The following C10orf105 variants were observed in gnomAD, a reference collection of about 807,000 sequenced individuals.
The protein encoded by C10orf105 is uncharacterized protein C10orf105.
Under a neutral mutation model 0.6 loss-of-function variants are expected in C10orf105, and 2 were observed. The observed-to-expected ratio is 3.18, with a 90% confidence interval of 1.30 to 10.01. The LOEUF (loss-of-function observed/expected upper bound fraction) is 10.01, where lower values mean the gene tolerates loss of function less well. Among genes scored for constraint, C10orf105 ranks in the 30% most tolerant of loss-of-function variants. C10orf105 has a pLI of 0.04. For missense variants in C10orf105, 209 were observed against 191.4 expected, an observed-to-expected ratio of 1.09 and a Z score of -0.54; for synonymous variants, 95 against 82.4, an observed-to-expected ratio of 1.15 and a Z score of -0.83.
At chr10:71,731,446 A>C (rs1193501891) in intron 1 of C10orf105, among the ~76,000 whole-genome samples, 2 of 152,142 alleles carry the variant, frequency 1.3e-5, no homozygotes, top group Non-Finnish European at 2.9e-5. Context: ...TGGCCCCTTG[A>C]GGTCTGTGAA....
intron 1 of C10orf105, chr10:71,734,610 T>C: frequency 6.4e-7 from 1 of 1,572,486 alleles, no homozygotes; most frequent in South Asian, 1.1e-5. Context: ...CATTTGCATC[T>C]TTGCCTTTTC....
At chr10:71,732,778 C>T in intron 1 of C10orf105, 1 of 953,644 alleles carries the variant, frequency 1.0e-6, no homozygotes, top group Non-Finnish European at 1.3e-6. Context: ...ACAGATCCTT[C>T]ACCTCTGGTC....
At chr10:71,716,387 C>A in intron 1 of C10orf105, 45 bp from the exon 2 acceptor site, 1 of 1,437,878 alleles carries the variant, frequency 7.0e-7, no homozygotes, top group Non-Finnish European at 9.2e-7. Flanking sequence ...ATCAGCTGGA[C>A]CCAGGGCAGC....
At chr10:71,733,790 T>C (rs568833882) in intron 1 of C10orf105, among the ~76,000 whole-genome samples, 1 of 152,374 alleles carries the variant, frequency 6.6e-6, no homozygotes, top group South Asian at 2.1e-4. Context: ...GTGTATCTTT[T>C]ATCAGAATTC....
At chr10:71,723,576 C>G (rs1375163133), upstream of C10orf105, among the ~76,000 whole-genome samples, 1 of 152,168 alleles carries the variant, frequency 6.6e-6, no homozygotes, top group Non-Finnish European at 1.5e-5. Context: ...GTGACCGTTA[C>G]AGTGTACAGT....
Position 71,730,507 on chromosome 10 carries a change from C to T in C10orf105, c.-6+7221G>A, listed in dbSNP as rs547970498. ...TGGAGGACATCAACGATGAGGCCCC[C>T]GTGTTCACACAGCAGCAGTACAGCC... On this transcript the variant is annotated intron_variant, in intron 1 of 1. Coordinates refer to the C10orf105 transcript ENST00000398786. The T allele has an allele frequency of 1.3e-5, 21 of 1,613,936 alleles. No homozygotes were observed. Among genetic ancestry groups the T allele is most frequent in the African/African-American group, 1.1e-4 (8 of 75,054 alleles).
At chr10:71,725,256 G>A (rs207471140) in intron 1 of C10orf105, 103 of 1,521,272 alleles carry the variant, frequency 6.8e-5, no homozygotes, top group East Asian at 1.1e-4. Context: ...CAGAAGACCC[G>A]CAGCCTCCTC....
chr10:71,728,370 A>T (rs1360834916), intron 1 of C10orf105, among the ~76,000 whole-genome samples: 1 of 152,030 alleles, frequency 6.6e-6, no homozygotes, highest in Non-Finnish European at 1.5e-5. Flanking sequence ...CCCTAGAAGC[A>T]GCGATGCAGA....
At chr10:71,729,887 TGCAGTG>T in intron 1 of C10orf105, among the ~76,000 whole-genome samples, 1 of 151,860 alleles carries the variant, frequency 6.6e-6, no homozygotes, top group African/African-American at 2.4e-5. Flanking sequence ...CAGGCTGGAG[TGCAGTG>T]GCGCGATCTT....
chr10:71,734,881 G>A (rs1397687491), intron 1 of C10orf105, among the ~76,000 whole-genome samples: 1 of 152,256 alleles, frequency 6.6e-6, no homozygotes, highest in East Asian at 1.9e-4. Context: ...GCCTAGCCCC[G>A]GTAGGGTCTT....
intron 1 of C10orf105, among the ~76,000 whole-genome samples, chr10:71,729,955 C>T (rs1361404196): frequency 6.6e-6 from 1 of 152,016 alleles, no homozygotes; most frequent in Non-Finnish European, 1.5e-5. Context: ...CTCCCTCAGC[C>T]TCCTGAGTAG....
Position 71,715,822 on chromosome 10 carries a change from T to C in C10orf105, c.*114A>G, listed in dbSNP as rs972242661. ...CAAGGAGCTTCGGGGGGTGAGTGTGTGTCCCAGACTGCTTGGGCCACTGTC... is the reference window on the plus strand; with the variant it reads ...CAAGGAGCTTCGGGGGGTGAGTGTGCGTCCCAGACTGCTTGGGCCACTGTC... On this transcript the variant is annotated 3_prime_UTR_variant, in exon 2 of 2. Transcript: ENST00000441508. The C allele has an allele frequency of 9.7e-7, 1 of 1,032,654 alleles. No individual in the cohort carries two copies. The highest frequency in any genetic ancestry group is 3.6e-5 in the Admixed American group (1 of 28,038). The allele number at this position is 1,032,654 out of a possible 1,614,324, so 64.0% of individuals were successfully genotyped here.
intron 1 of C10orf105, among the ~76,000 whole-genome samples, chr10:71,727,626 CT>C (rs1366238814): frequency 1.8e-4 from 27 of 152,258 alleles, no homozygotes; most frequent in African/African-American, 6.3e-4. Flanking sequence ...AGACAGTCCC[CT>C]TAGAGACTGG....
At position 71,713,220 on chromosome 10, in the gene C10orf105, C is replaced by T. The variant is rs764695323; in HGVS notation, c.*2716G>A. On this transcript the variant is annotated 3_prime_UTR_variant, in exon 2 of 2. Transcript: ENST00000441508. ...CACAGAGCCCTTGGCCGAGGCTCCCCTCTTGGGAAGTAAACAGGCACAAGA... is the reference window on the plus strand; with the variant it reads ...CACAGAGCCCTTGGCCGAGGCTCCCTTCTTGGGAAGTAAACAGGCACAAGA... 1.3e-6 allele frequency: 1 copy of T among 779,192 alleles called. No individual in the cohort carries two copies. The highest frequency in any genetic ancestry group is 1.7e-5 in the Admixed American group (1 of 58,956). The allele number at this position is 779,192 out of a possible 1,614,324, so 48.3% of individuals were successfully genotyped here.
At position 71,712,435 on chromosome 10, in the gene C10orf105, T is replaced by C. The variant is rs556052974; in HGVS notation, c.*3501A>G. 8 of 524,566 alleles carry C rather than the reference T, an allele frequency of 1.5e-5. No individual in the cohort carries two copies. The highest frequency in any genetic ancestry group is 1.5e-4 in the African/African-American group (8 of 52,818). 32.5% of individuals were successfully genotyped at this position (524,566 alleles called of 1,614,324 possible). On this transcript the variant is annotated 3_prime_UTR_variant, in exon 2 of 2. Transcript: ENST00000441508. ...TAAAGTGTCTGCTTCATGGGGTTGCTGTGAGGACTGAATGGGTTAGAAGAA... is the reference window on the plus strand; with the variant it reads ...TAAAGTGTCTGCTTCATGGGGTTGCCGTGAGGACTGAATGGGTTAGAAGAA...
In C10orf105 at chr10:71,712,033, C is replaced by T. The variant is rs1409256135; in HGVS notation, c.*3903G>A. On this transcript the variant is annotated 3_prime_UTR_variant, in exon 2 of 2. Coordinates refer to ENST00000441508, the MANE Select transcript of C10orf105 (RefSeq NM_001164375.3). Reference sequence around the variant, plus strand: ...AGAAATTAAGGTGTCGGCAGGGTCACGCTTCCTCCAAAGGCTCTAGAGAGA... The same window carrying T: ...AGAAATTAAGGTGTCGGCAGGGTCATGCTTCCTCCAAAGGCTCTAGAGAGA... The T allele has an allele frequency of 6.6e-6, 1 of 152,178 alleles. No individual in the cohort carries two copies. The highest frequency in any genetic ancestry group is 6.5e-5 in the Admixed American group (1 of 15,294). 9.4% of individuals were successfully genotyped at this position (152,178 alleles called of 1,614,324 possible). A position where few individuals can be genotyped will look rare whatever the true frequency, so the allele number is the denominator to read the frequency against.
At chr10:71,733,937 A>G (rs1201305670) in intron 1 of C10orf105, among the ~76,000 whole-genome samples, 2 of 152,242 alleles carry the variant, frequency 1.3e-5, no homozygotes, top group African/African-American at 2.4e-5. Flanking sequence ...TAGAAGTGGA[A>G]ATGGAACTAA....
Position 71,715,400 on chromosome 10 carries a change from C to T in C10orf105, c.*536G>A, listed in dbSNP as rs896667854. On this transcript the variant is annotated 3_prime_UTR_variant, in exon 2 of 2. Coordinates refer to ENST00000441508, the MANE Select transcript of C10orf105 (RefSeq NM_001164375.3). ...GGAGGCAGCTGCTCCCACAGGGCAC[C>T]AGGCAGATGCTGGCAGCACCCGGGA... 1.3e-5 allele frequency: 2 copies of T among 152,426 alleles called. No individual in the cohort carries two copies. Among genetic ancestry groups the T allele is most frequent in the Non-Finnish European group, 2.9e-5 (2 of 68,204 alleles). 9.4% of individuals were successfully genotyped at this position (152,426 alleles called of 1,614,324 possible).
upstream of C10orf105, chr10:71,723,998 C>G (rs1185876296): frequency 3.2e-6 from 5 of 1,547,730 alleles, no homozygotes; most frequent in African/African-American, 1.4e-5. Flanking sequence ...TCTTCTCTCC[C>G]TGCTGGGTGG....
Sources: gnomAD v4.1 joint callset for allele counts (sites outside exome capture counted in the v4.1 genomes callset) on GRCh38, gnomAD v4.1.1 for gene constraint, MANE v1.5 for transcripts, NCBI Gene and HGNC (gene_info 2026-07-23, HGNC 2026-07-21) for gene names.